Variants in SNX29 observed in about 807,000 individuals in gnomAD.
The protein encoded by SNX29 is sorting nexin-29.
Under a neutral mutation model 102.1 loss-of-function variants are expected in SNX29, and 78 were observed. That is an observed-to-expected ratio of 0.76 (90% CI 0.64 to 0.92). SNX29 has a LOEUF of 0.92. Ranked by LOEUF, SNX29 falls within the 40% of genes least tolerant of loss-of-function variation. SNX29 has a pLI of 0.00. For synonymous variants in SNX29, 580 were observed against 414.5 expected (o/e 1.40, Z -4.85); for missense variants, 1,280 against 1,061.7 (o/e 1.21, Z -2.86).
chr16:12,525,574 C>G (rs939911910), intron 20 of SNX29, among the ~76,000 whole-genome samples: 15 of 152,106 alleles, frequency 9.9e-5, no homozygotes, highest in African/African-American at 3.6e-4. Flanking sequence ...CGCCTGTAGT[C>G]CCAGCTACTT....
In SNX29 at chr16:12,570,721, GTC is replaced by G. The variant is rs1271977503; in HGVS notation, c.*2099_*2100del. ...CCCCCAAAGCACAGGATGTGAATTG[GTC>G]TCTCTCCAGATACCCCACGAGGAAG... is the stretch of plus-strand genomic sequence containing the variant. On this transcript the variant is annotated 3_prime_UTR_variant, in exon 21 of 21. Transcript: ENST00000566228. 28 of 232,072 alleles carry G rather than the reference GTC, an allele frequency of 1.2e-4. No individual in the cohort carries two copies. The highest frequency in any genetic ancestry group is 9.0e-4 in the Admixed American group (16 of 17,718). The allele number at this position is 232,072 out of a possible 1,614,324, so 14.4% of individuals were successfully genotyped here. A position where few individuals can be genotyped will look rare whatever the true frequency, so the allele number is the denominator to read the frequency against.
intron 20 of SNX29, among the ~76,000 whole-genome samples, chr16:12,542,320 C>G (rs569178297): frequency 1.8e-4 from 28 of 152,314 alleles, no homozygotes; most frequent in East Asian, 1.5e-3. Flanking sequence ...AGTTTTAGAG[C>G]TGCTGTTAGA....
intron 19 of SNX29, among the ~76,000 whole-genome samples, chr16:12,485,255 G>A: frequency 6.6e-6 from 1 of 152,178 alleles, no homozygotes; most frequent in Non-Finnish European, 1.5e-5. Flanking sequence ...TGAGCTGCCT[G>A]TCCAAATGGG....
chr16:12,185,653 C>G (rs1190251627), intron 13 of SNX29, among the ~76,000 whole-genome samples: 1 of 152,176 alleles, frequency 6.6e-6, no homozygotes, highest in Non-Finnish European at 1.5e-5. Flanking sequence ...ATTCGCAGTC[C>G]ATGTTTCTGC....
intron 19 of SNX29, among the ~76,000 whole-genome samples, chr16:12,479,035 T>C (rs758367043): frequency 1.7e-4 from 26 of 152,220 alleles, no homozygotes; most frequent in Non-Finnish European, 2.6e-4. Flanking sequence ...ATGATCTCTC[T>C]GCCATGGTTG....
chr16:12,197,913 T>C lies in SNX29; in HGVS notation c.1596-1688T>C, dbSNP rs149007199. 6.6e-5 allele frequency among the ~76,000 whole-genome samples: 10 copies of C among 152,102 alleles called. No individual in the cohort carries two copies. In the East Asian group the frequency reaches 1.9e-3, roughly 29 times the overall value. On this transcript the variant is annotated intron_variant, in intron 13 of 20. Transcript: ENST00000566228. ...AAGCAAAATACAAAGAAAGTGCTGT[T>C]GCCGTGGGCTGAGAAGTAGTCAGCT...
intron 13 of SNX29, 69 bp from the exon 14 acceptor site, chr16:12,199,531 CT>C (rs778563452): frequency 1.4e-5 from 19 of 1,363,440 alleles, no homozygotes; most frequent in Non-Finnish European, 1.8e-5. Context: ...CCACCCACCC[CT>C]GCCCCCTCCT....
At chr16:12,236,784 A>G (rs1000037968) in intron 14 of SNX29, among the ~76,000 whole-genome samples, 1 of 152,170 alleles carries the variant, frequency 6.6e-6, no homozygotes, top group Non-Finnish European at 1.5e-5. Flanking sequence ...CACTCGTCAC[A>G]TGCTTCGGTG....
intron 19 of SNX29, among the ~76,000 whole-genome samples, chr16:12,498,786 A>G (rs931846575): frequency 3.3e-5 from 5 of 152,238 alleles, no homozygotes; most frequent in African/African-American, 9.6e-5. Context: ...AATTTTTTCA[A>G]TTTGCAAATT....
chr16:12,252,052 G>A (rs539478052), intron 14 of SNX29, among the ~76,000 whole-genome samples: 2 of 152,216 alleles, frequency 1.3e-5, no homozygotes, highest in Non-Finnish European at 1.5e-5. Flanking sequence ...GAGCCACCAC[G>A]CCTGGGTCCC....
In SNX29 at chr16:12,195,097, G is replaced by T. The variant is rs77147962; in HGVS notation, c.1596-4504G>T. ...TATATCCATGTAAATAGATATAAGG[G>T]GTTAGAGTAAATACACTCTGTACTC... On this transcript the variant is annotated intron_variant, in intron 13 of 20. Transcript: ENST00000566228. 8.5e-3 allele frequency among the ~76,000 whole-genome samples: 1,300 copies of T among 152,254 alleles called. 6 individuals carry two copies. The highest frequency in any genetic ancestry group is 0.011 in the Non-Finnish European group (776 of 68,026).
chr16:12,045,134 C>T (rs771539781), intron 5 of SNX29, among the ~76,000 whole-genome samples: 34 of 152,190 alleles, frequency 2.2e-4, no homozygotes, highest in Admixed American at 9.2e-4. Context: ...GAATCAGGTG[C>T]AGTCAGAATG....
rs185226710 is a variant in SNX29 at position 12,089,793 on chromosome 16, G to T, written c.1402+10878G>T. The T allele has an allele frequency of 1.7e-5, 6 of 354,500 alleles. 1 individual carries two copies. Among genetic ancestry groups the T allele is most frequent in the African/African-American group, 1.1e-4 (5 of 45,596 alleles). 22.0% of individuals were successfully genotyped at this position (354,500 alleles called of 1,614,324 possible). ...CTTCCTCTTGCGAAGAGCAGGCTCTGAAGCCTGCTTGCCACGCAGAGCACA... is the reference window on the plus strand; with the variant it reads ...CTTCCTCTTGCGAAGAGCAGGCTCTTAAGCCTGCTTGCCACGCAGAGCACA... On this transcript the variant is annotated intron_variant, in intron 11 of 20. Coordinates refer to ENST00000566228, the MANE Select transcript of SNX29 (RefSeq NM_032167.5).
intron 15 of SNX29, among the ~76,000 whole-genome samples, chr16:12,324,931 G>A (rs1210580934): frequency 7.2e-5 from 11 of 152,112 alleles, no homozygotes; most frequent in Admixed American, 2.0e-4. Flanking sequence ...CGTTTCAACC[G>A]GGACGCAAGC....
chr16:12,257,962 A>G (rs2078624221), intron 14 of SNX29, among the ~76,000 whole-genome samples: 2 of 152,288 alleles, frequency 1.3e-5, no homozygotes, highest in Admixed American at 6.5e-5. Context: ...CTGGAGATGA[A>G]TGGCCATTTG....
At chr16:12,428,546 A>G (rs1208950132) in intron 18 of SNX29, among the ~76,000 whole-genome samples, 1 of 152,260 alleles carries the variant, frequency 6.6e-6, no homozygotes, top group Non-Finnish European at 1.5e-5. Context: ...AGTTAATCCC[A>G]CCACACAGAT....
chr16:12,228,361 T>C (rs750643448), intron 14 of SNX29, among the ~76,000 whole-genome samples: 25 of 152,266 alleles, frequency 1.6e-4, no homozygotes, highest in Non-Finnish European at 3.4e-4. Context: ...CACAGTGTTA[T>C]AGATGGCCAC....
intron 18 of SNX29, among the ~76,000 whole-genome samples, chr16:12,417,013 G>T (rs142240946): frequency 2.0e-5 from 3 of 152,214 alleles, no homozygotes; most frequent in Non-Finnish European, 4.4e-5. Flanking sequence ...CCCCTGCTGT[G>T]TGCCAGGCAC....
chr16:12,210,109 T>C (rs2077144139), intron 14 of SNX29, among the ~76,000 whole-genome samples: 1 of 152,152 alleles, frequency 6.6e-6, no homozygotes, highest in African/African-American at 2.4e-5. Flanking sequence ...TCAATCCATG[T>C]GGTTTATGTG....
Sources: allele counts gnomAD v4.1 joint callset (sites outside exome capture counted in the v4.1 genomes callset), GRCh38; gene constraint gnomAD v4.1.1; transcripts MANE v1.5; gene names NCBI Gene and HGNC (gene_info 2026-07-23, HGNC 2026-07-21).